TMEM11: variants seen among roughly 807,000 people sequenced by gnomAD.
TMEM11 encodes transmembrane protein 11.
In TMEM11, 1 loss-of-function variant was observed where a neutral mutation model predicts 17.0. The ratio of observed to expected loss-of-function variants is 0.06; its 90% CI spans 0.02 to 0.28. TMEM11 has a LOEUF of 0.28. Ranked by LOEUF, TMEM11 falls within the 10% of genes least tolerant of loss-of-function variation. TMEM11 has a pLI of 1.00. For missense variants in TMEM11, 172 were observed against 252.9 expected, an observed-to-expected ratio of 0.68 and a Z score of 2.17; for synonymous variants, 122 against 118.1, an observed-to-expected ratio of 1.03 and a Z score of -0.21.
At chr17:21,202,658 C>T (rs1359137721) in intron 1 of TMEM11, among the ~76,000 whole-genome samples, 2 of 150,656 alleles carry the variant, frequency 1.3e-5, no homozygotes, top group East Asian at 4.0e-4. Context: ...TGGGTGGGTG[C>T]GTCCACGAGT....
rs1974997128 is a variant in TMEM11, at chr17:21,210,981, A to G, written c.62+3110T>C. The G allele has an allele frequency of 4.7e-6, 6 of 1,289,498 alleles. No homozygotes were observed. In the African/African-American group the frequency reaches 7.6e-5, roughly 16 times the overall value. 79.9% of individuals were successfully genotyped at this position (1,289,498 alleles called of 1,614,324 possible). On this transcript the variant is annotated intron_variant, in intron 1 of 1. Transcript: ENST00000317635. ...CTCTGGGAGGTTCAGGGGCCCTGAG[A>G]CAGTGAAGCCGAGCAGCCCAAGTAA...
At chr17:21,211,199 T>C (rs1402822103) in intron 1 of TMEM11, 2 of 1,289,878 alleles carry the variant, frequency 1.6e-6, no homozygotes, top group Middle Eastern at 2.1e-4. Context: ...CAGAGTCTGA[T>C]GTTCTTCATT....
chr17:21,205,546 T>C (rs2144301391), intron 1 of TMEM11, among the ~76,000 whole-genome samples: 1 of 152,184 alleles, frequency 6.6e-6, no homozygotes, highest in East Asian at 1.9e-4. Flanking sequence ...TAAAGTGTGG[T>C]AAAATACACG....
chr17:21,212,287 A>T (rs1347526880), intron 1 of TMEM11, among the ~76,000 whole-genome samples: 2 of 152,186 alleles, frequency 1.3e-5, no homozygotes, highest in Non-Finnish European at 2.9e-5. Flanking sequence ...CTTCAGTTCC[A>T]GGCCAAAGGT....
chr17:21,208,443 C>T (rs1277381440), intron 1 of TMEM11: 4 of 152,118 alleles, frequency 2.6e-5, no homozygotes, highest in African/African-American at 9.7e-5. Flanking sequence ...TGGCTCACTT[C>T]CTGCTCCAGA....
At chr17:21,207,873 A>G (rs1436982401) in intron 1 of TMEM11, among the ~76,000 whole-genome samples, 3 of 151,886 alleles carry the variant, frequency 2.0e-5, no homozygotes, top group African/African-American at 7.3e-5. Context: ...GGGGGACAAG[A>G]GCGAGACATT....
intron 1 of TMEM11, among the ~76,000 whole-genome samples, chr17:21,201,937 G>T (rs899637258): frequency 6.6e-6 from 1 of 152,318 alleles, no homozygotes. Flanking sequence ...CCAGCCAGAT[G>T]CAGCATTTTA....
rs1322375819 is a variant in TMEM11, at chr17:21,198,851, AG to A, written c.63-12del. On this transcript the variant is annotated splice_polypyrimidine_tract_variant and intron_variant, in intron 1 of 1. Transcript: ENST00000317635. This position sits in a 1 kb window ranked among gnomAD's most constrained non-coding sequence, Gnocchi z 6.5. ...GCCGACAAGCTCACCCTTTTGATGG[AG>A]GGGGCAGGAAAGGGAGAGAGAGAGA... is the stretch of plus-strand genomic sequence containing the variant. 1 of 1,601,980 alleles carries A rather than the reference AG, an allele frequency of 6.2e-7. No homozygotes were observed. The highest frequency in any genetic ancestry group is 8.5e-7 in the Non-Finnish European group (1 of 1,172,704).
intron 1 of TMEM11, among the ~76,000 whole-genome samples, chr17:21,207,771 C>T (rs1330084622): frequency 6.7e-6 from 1 of 148,530 alleles, no homozygotes; most frequent in African/African-American, 2.5e-5. Flanking sequence ...GCCTGTAATC[C>T]CAGCTACTCA....
intron 1 of TMEM11, chr17:21,210,815 AGCCCCGTGCATCTG>A (rs1974995071): frequency 2.0e-6 from 2 of 1,021,416 alleles, no homozygotes; most frequent in Non-Finnish European, 2.5e-6. Flanking sequence ...CTGAACTTTT[AGCCCCGTGCATCTG>A]GCCCTCTGCA....
chr17:21,214,042 C>T, intron 1 of TMEM11, 49 bp downstream of exon 1: 1 of 1,565,842 alleles, frequency 6.4e-7, no homozygotes, highest in South Asian at 1.2e-5. Flanking sequence ...GCTGGGCTCT[C>T]CGGCCGCTGA....
intron 1 of TMEM11, among the ~76,000 whole-genome samples, chr17:21,199,307 A>C (rs1047757424): frequency 3.7e-5 from 5 of 134,610 alleles, no homozygotes; most frequent in Non-Finnish European, 6.2e-5. Context: ...AGCCTGGGTG[A>C]CAGGGCGAGA....
At chr17:21,200,821 C>T (rs535145032) in intron 1 of TMEM11, among the ~76,000 whole-genome samples, 4 of 152,334 alleles carry the variant, frequency 2.6e-5, no homozygotes, top group Middle Eastern at 3.4e-3. Flanking sequence ...CACCTGGCTG[C>T]GGTGCAGAGG....
At chr17:21,203,042 C>G (rs1184624247) in intron 1 of TMEM11, among the ~76,000 whole-genome samples, 4 of 152,220 alleles carry the variant, frequency 2.6e-5, no homozygotes, top group Non-Finnish European at 5.9e-5. Flanking sequence ...AAGGCAGGGT[C>G]CTGCACAACG....
chr17:21,210,448 A>G lies in TMEM11; in HGVS notation c.62+3643T>C, dbSNP rs544401730. 1.1e-3 allele frequency among the ~76,000 whole-genome samples: 169 copies of G among 152,284 alleles called. 2 individuals carry two copies. The highest frequency in any genetic ancestry group is 2.1e-4 in the Non-Finnish European group (14 of 68,022). On this transcript the variant is annotated intron_variant, in intron 1 of 1. Transcript: ENST00000317635. ...CTCATCCCAGCCAGAAGGAAACAAA[A>G]ACTCCCGCCACACACAAAAGCAAGC...
chr17:21,199,328 G>GAAAAAAAAAAAAAAAAA (rs58031189), intron 1 of TMEM11, among the ~76,000 whole-genome samples: 8 of 78,298 alleles, frequency 1.0e-4, no homozygotes, highest in Middle Eastern at 8.8e-3. Flanking sequence ...CTCAGTCTCA[G>GAAAAAAAAAAAAAAAAA]AAAAAAAAAA....
intron 1 of TMEM11, among the ~76,000 whole-genome samples, chr17:21,205,069 TCAG>T (rs1341957629): frequency 1.3e-5 from 2 of 152,024 alleles, no homozygotes; most frequent in Non-Finnish European, 2.9e-5. Context: ...GCTCTCGCAG[TCAG>T]CAAAGGAATC....
At chr17:21,210,474 A>G (rs940556757) in intron 1 of TMEM11, among the ~76,000 whole-genome samples, 6 of 152,226 alleles carry the variant, frequency 3.9e-5, no homozygotes, top group African/African-American at 1.4e-4. Context: ...AAAAGCAAGC[A>G]TGGAGTCTTT....
At chr17:21,205,946 A>G (rs1469167067) in intron 1 of TMEM11, among the ~76,000 whole-genome samples, 1 of 151,898 alleles carries the variant, frequency 6.6e-6, no homozygotes, top group Admixed American at 6.6e-5. Context: ...TTGTTAATCC[A>G]TTCATCTGTG....
Sources: gnomAD v4.1 joint callset for allele counts (sites outside exome capture counted in the v4.1 genomes callset) on GRCh38, gnomAD v4.1.1 for gene constraint, Gnocchi (gnomAD v3.1) non-coding constraint, MANE v1.5 for transcripts, NCBI Gene and HGNC (gene_info 2026-07-23, HGNC 2026-07-21) for gene names.